BMPR1B: variants seen among roughly 807,000 people sequenced by gnomAD.
BMPR1B encodes bone morphogenetic protein receptor type-1B.
BMPR1B carries 12 observed loss-of-function variants against 59.1 expected under a neutral mutation model. The ratio of observed to expected loss-of-function variants is 0.20; its 90% confidence interval spans 0.13 to 0.33. The LOEUF (loss-of-function observed/expected upper bound fraction) is 0.33, where lower values mean the gene tolerates loss of function less well. Among genes scored for constraint, BMPR1B ranks in the 10% least tolerant of loss-of-function variants. The probability of loss-of-function intolerance (pLI) is 1.00; values close to 1 mark genes in which losing one functional copy is unlikely to be tolerated. For synonymous variants in BMPR1B, 237 were observed against 207.3 expected, an observed-to-expected ratio of 1.14 and a Z score of -1.23; for missense variants, 550 against 610.9, an observed-to-expected ratio of 0.90 and a Z score of 1.05.
chr4:95,020,654 C>T (rs184260888), intron 3 of BMPR1B, among the ~76,000 whole-genome samples: 16 of 151,436 alleles, frequency 1.1e-4, no homozygotes, highest in South Asian at 6.3e-4. Context: ...ACTTGCCCTA[C>T]GTAAATGGTG....
chr4:95,149,014 A>G (rs1005863299), intron 11 of BMPR1B, 91 bp downstream of exon 11: 10 of 1,504,550 alleles, frequency 6.6e-6, no homozygotes, highest in African/African-American at 5.5e-5. Flanking sequence ...CATACTGTCT[A>G]TAAGATCTGG....
chr4:94,982,736 T>C (rs1406528559), intron 2 of BMPR1B, among the ~76,000 whole-genome samples: 1 of 152,138 alleles, frequency 6.6e-6, no homozygotes, highest in Non-Finnish European at 1.5e-5. Context: ...CTCACGCCTG[T>C]AATCCCAGCA....
intron 3 of BMPR1B, among the ~76,000 whole-genome samples, chr4:95,091,939 C>T (rs1730022559): frequency 6.6e-6 from 1 of 152,050 alleles, no homozygotes. Context: ...TTTGCCCCTA[C>T]ACATTTTCAA....
intron 3 of BMPR1B, among the ~76,000 whole-genome samples, chr4:95,036,491 T>G (rs1725252719): frequency 6.6e-6 from 1 of 152,106 alleles, no homozygotes; most frequent in Non-Finnish European, 1.5e-5. Context: ...GCTGGCTTAT[T>G]TCACTTAACA....
At chr4:94,946,725 G>A (rs1729722635) in intron 2 of BMPR1B, among the ~76,000 whole-genome samples, 1 of 152,086 alleles carries the variant, frequency 6.6e-6, no homozygotes, top group African/African-American at 2.4e-5. Flanking sequence ...GTATTTGGAG[G>A]TAAACCTTGT....
rs562783181 is a variant in BMPR1B at position 94,968,803 on chromosome 4, G to T, written c.-112-27237G>T. On this transcript the variant is annotated intron_variant, in intron 2 of 12. Transcript: ENST00000515059. ...CTCTTATTTTGTGTTCCCAAGGAAT[G>T]TGGTCTTTTTGTATAATACTCATAT... Among the ~76,000 whole-genome samples the T allele has an allele frequency of 2.0e-5, 3 of 152,180 alleles. No homozygotes were observed. In the East Asian group the frequency reaches 5.8e-4, roughly 30 times the overall value.
At chr4:94,767,393 A>G (rs1722010515) in intron 1 of BMPR1B, among the ~76,000 whole-genome samples, 1 of 152,136 alleles carries the variant, frequency 6.6e-6, no homozygotes, top group South Asian at 2.1e-4. Flanking sequence ...ATATGACAGG[A>G]CATAATGTAA....
intron 3 of BMPR1B, among the ~76,000 whole-genome samples, chr4:95,064,590 A>G (rs530073471): frequency 6.6e-6 from 1 of 152,316 alleles, no homozygotes; most frequent in Admixed American, 6.5e-5. Flanking sequence ...AGAAAGTGAA[A>G]AGACAGTCCA....
chr4:95,012,313 T>C (rs983749739), intron 3 of BMPR1B, among the ~76,000 whole-genome samples: 3 of 152,166 alleles, frequency 2.0e-5, no homozygotes, highest in African/African-American at 7.2e-5. Flanking sequence ...TCAATACCTA[T>C]TAGACAATTA....
rs1362788410 is a variant in BMPR1B, at chr4:95,155,741, G to C, written c.*1068G>C. On this transcript the variant is annotated 3_prime_UTR_variant, in exon 13 of 13. Transcript: ENST00000515059. ...CTCAGAAGCACAAAGAAAAAAGTGT[G>C]CATACCTTATTTTGTACAGATAAAG... is the stretch of plus-strand genomic sequence containing the variant. The C allele has an allele frequency of 6.6e-6, 1 of 151,888 alleles. No individual in the cohort carries two copies. The highest frequency in any genetic ancestry group is 1.5e-5 in the Non-Finnish European group (1 of 67,998). The allele number at this position is 151,888 out of a possible 1,614,324, so 9.4% of individuals were successfully genotyped here.
chr4:94,809,528 A>G (rs1366930437), intron 1 of BMPR1B, among the ~76,000 whole-genome samples: 1 of 152,230 alleles, frequency 6.6e-6, no homozygotes, highest in East Asian at 1.9e-4. Flanking sequence ...ACTGTTGATC[A>G]GAGAGTACAC....
chr4:95,075,062 C>A (rs1728601839), intron 3 of BMPR1B, among the ~76,000 whole-genome samples: 4 of 152,210 alleles, frequency 2.6e-5, no homozygotes, highest in African/African-American at 9.6e-5. Flanking sequence ...ATCCCACTTA[C>A]TCTTAAGTAA....
intron 1 of BMPR1B, among the ~76,000 whole-genome samples, chr4:94,866,288 C>A (rs1170115449): frequency 6.6e-6 from 1 of 152,172 alleles, no homozygotes; most frequent in Non-Finnish European, 1.5e-5. Flanking sequence ...GAGACATGCA[C>A]CAGTTTCTGC....
At chr4:95,114,423 G>T (rs1255270516) in intron 4 of BMPR1B, among the ~76,000 whole-genome samples, 1 of 152,040 alleles carries the variant, frequency 6.6e-6, no homozygotes, top group Non-Finnish European at 1.5e-5. Context: ...TCAGTAATTG[G>T]TATCTATGGT....
chr4:95,122,620 G>T (rs2149289379), intron 6 of BMPR1B, among the ~76,000 whole-genome samples: 1 of 152,170 alleles, frequency 6.6e-6, no homozygotes, highest in African/African-American at 2.4e-5. Flanking sequence ...CATTTTTATT[G>T]AAATGATACT....
intron 10 of BMPR1B, among the ~76,000 whole-genome samples, chr4:95,141,114 T>G (rs1285250488): frequency 6.6e-6 from 1 of 152,232 alleles, no homozygotes; most frequent in Non-Finnish European, 1.5e-5. Flanking sequence ...GGCCTCAGCA[T>G]CATCTTCCAT....
intron 4 of BMPR1B, among the ~76,000 whole-genome samples, chr4:95,111,507 C>T (rs1301744524): frequency 1.3e-5 from 2 of 152,070 alleles, no homozygotes; most frequent in South Asian, 4.1e-4. Context: ...CATTCTACAA[C>T]AACTAATGAA....
At chr4:94,898,843 A>G (rs925749608) in intron 2 of BMPR1B, among the ~76,000 whole-genome samples, 1 of 152,076 alleles carries the variant, frequency 6.6e-6, no homozygotes, top group Non-Finnish European at 1.5e-5. Context: ...TAATGTAATC[A>G]GAAAGTTCAG....
chr4:94,783,998 T>C (rs189120020), intron 1 of BMPR1B, among the ~76,000 whole-genome samples: 192 of 152,316 alleles, frequency 1.3e-3, no homozygotes, highest in Admixed American at 2.0e-3. Flanking sequence ...GGATATGTTA[T>C]GCTCAGAGAC....
Sources: gnomAD v4.1 joint callset for allele counts (sites outside exome capture counted in the v4.1 genomes callset) on GRCh38, gnomAD v4.1.1 for gene constraint, MANE v1.5 for transcripts, NCBI Gene and HGNC (gene_info 2026-07-23, HGNC 2026-07-21) for gene names.